MAML3: variants seen among roughly 807,000 people sequenced by gnomAD.
MAML3 encodes the protein mastermind like transcriptional coactivator 3.
A neutral mutation model predicts 101.9 loss-of-function variants in MAML3; 27 were observed. The observed-to-expected ratio is 0.27, with a 90% CI of 0.20 to 0.37. The LOEUF (loss-of-function observed/expected upper bound fraction) is 0.37. MAML3 is among the 10% of genes least tolerant of loss of function. The pLI is 1.00. For missense variants in MAML3, 1,316 were observed against 1,444.9 expected, an observed-to-expected ratio of 0.91 and a Z score of 1.45; for synonymous variants, 501 against 555.9, an observed-to-expected ratio of 0.90 and a Z score of 1.39.
intron 1 of MAML3, among the ~76,000 whole-genome samples, chr4:139,950,903 G>A (rs558980506): frequency 9.2e-5 from 14 of 152,220 alleles, no homozygotes; most frequent in African/African-American, 2.2e-4. Flanking sequence ...AGAGGCCATC[G>A]GGTTACTAAA....
At chr4:139,862,263 A>G (rs78876045) in intron 2 of MAML3, among the ~76,000 whole-genome samples, 5,639 of 152,246 alleles carry the variant, frequency 0.037, 344 homozygotes, top group African/African-American at 0.13. Context: ...AGCCCCAGAG[A>G]TTAAGAGTTC....
intron 1 of MAML3, among the ~76,000 whole-genome samples, chr4:139,976,323 T>C (rs1443622497): frequency 2.0e-5 from 3 of 152,202 alleles, no homozygotes; most frequent in African/African-American, 7.2e-5. Flanking sequence ...TGACAAGAAA[T>C]CTTTTTAACA....
chr4:140,122,220 CTTTTTT>C (rs369602172), intron 1 of MAML3, among the ~76,000 whole-genome samples: 1 of 124,612 alleles, frequency 8.0e-6, no homozygotes, highest in Admixed American at 8.4e-5. Context: ...TCAAACGAGA[CTTTTTT>C]TTTTTTTTTT....
At chr4:140,041,094 T>G (rs1727078358) in intron 1 of MAML3, among the ~76,000 whole-genome samples, 1 of 152,192 alleles carries the variant, frequency 6.6e-6, no homozygotes, top group Non-Finnish European at 1.5e-5. Context: ...AGATTTTATT[T>G]TCTTTTATAT....
At chr4:139,843,925 G>GC (rs1731401768) in intron 2 of MAML3, among the ~76,000 whole-genome samples, 2 of 152,262 alleles carry the variant, frequency 1.3e-5, no homozygotes, top group South Asian at 2.1e-4. Flanking sequence ...GGCCCACAGG[G>GC]CCCCTGGGAG....
At chr4:139,959,853 A>T (rs1266468547) in intron 1 of MAML3, among the ~76,000 whole-genome samples, 1 of 152,228 alleles carries the variant, frequency 6.6e-6, no homozygotes, top group African/African-American at 2.4e-5. Flanking sequence ...AGTACCCATG[A>T]TTAAAAGGGT....
At chr4:139,754,954 A>ATC (rs1380345637) in intron 2 of MAML3, among the ~76,000 whole-genome samples, 14 of 152,194 alleles carry the variant, frequency 9.2e-5, no homozygotes, top group Admixed American at 5.9e-4. Context: ...GTTCTCCTTA[A>ATC]TCAGCACGCT....
At chr4:139,743,812 A>G (rs905262950) in intron 2 of MAML3, among the ~76,000 whole-genome samples, 1 of 152,228 alleles carries the variant, frequency 6.6e-6, no homozygotes, top group Non-Finnish European at 1.5e-5. Flanking sequence ...GACAAGGCCA[A>G]TCTTGATTTC....
At chr4:140,011,121 G>GTATATA (rs376689121) in intron 1 of MAML3, among the ~76,000 whole-genome samples, 3 of 65,100 alleles carry the variant, frequency 4.6e-5, no homozygotes, top group African/African-American at 1.3e-4. Context: ...AAGTGTGTGT[G>GTATATA]TATATATATA....
intron 1 of MAML3, among the ~76,000 whole-genome samples, chr4:139,907,994 G>A (rs955990917): frequency 1.3e-5 from 2 of 152,272 alleles, no homozygotes; most frequent in East Asian, 3.9e-4. Flanking sequence ...TAAGCAGATG[G>A]ATGGTGGACC....
intron 1 of MAML3, among the ~76,000 whole-genome samples, chr4:140,104,815 C>T (rs966113319): frequency 1.3e-5 from 2 of 151,854 alleles, no homozygotes; most frequent in Non-Finnish European, 2.9e-5. Context: ...TTTTTAAGTA[C>T]CTTAAATAAA....
chr4:139,852,091 T>C (rs1731563907), intron 2 of MAML3, among the ~76,000 whole-genome samples: 1 of 152,210 alleles, frequency 6.6e-6, no homozygotes, highest in Non-Finnish European at 1.5e-5. Flanking sequence ...AATACAGATG[T>C]ATAGATTTAC....
At chr4:139,828,052 C>T (rs960948461) in intron 2 of MAML3, among the ~76,000 whole-genome samples, 8 of 152,254 alleles carry the variant, frequency 5.3e-5, no homozygotes, top group African/African-American at 1.9e-4. Context: ...TTGTCTGACA[C>T]ACTTGCACAT....
chr4:139,819,194 G>C (rs1226931181), intron 2 of MAML3, among the ~76,000 whole-genome samples: 2 of 152,102 alleles, frequency 1.3e-5, no homozygotes, highest in Non-Finnish European at 2.9e-5. Flanking sequence ...GAGTGATCTT[G>C]ACAAGCAAAG....
intron 2 of MAML3, among the ~76,000 whole-genome samples, chr4:139,733,055 A>G (rs952348725): frequency 4.6e-5 from 7 of 151,418 alleles, no homozygotes; most frequent in African/African-American, 1.4e-4. Context: ...TTTTCCCCCA[A>G]ATATTTGCTA....
chr4:140,140,771 G>A (rs1169984077), intron 1 of MAML3, among the ~76,000 whole-genome samples: 1 of 152,174 alleles, frequency 6.6e-6, no homozygotes, highest in Non-Finnish European at 1.5e-5. Flanking sequence ...CCTTGTACAA[G>A]GTTCCAGGTC....
chr4:139,954,453 G>C (rs1410462216), intron 1 of MAML3, among the ~76,000 whole-genome samples: 1 of 152,206 alleles, frequency 6.6e-6, no homozygotes, highest in Non-Finnish European at 1.5e-5. Context: ...TGTGTTGCTA[G>C]GTGTTTAGCA....
chr4:140,004,206 G>A (rs1281489914), intron 1 of MAML3, among the ~76,000 whole-genome samples: 4 of 152,226 alleles, frequency 2.6e-5, no homozygotes, highest in Non-Finnish European at 5.9e-5. Context: ...CAATGGCACA[G>A]AAGGCACTGG....
At chr4:140,100,035 C>A (rs1235820677) in intron 1 of MAML3, among the ~76,000 whole-genome samples, 1 of 152,050 alleles carries the variant, frequency 6.6e-6, no homozygotes, top group Non-Finnish European at 1.5e-5. Context: ...CCATGACCAC[C>A]CCACCCCTGC....
Sources: allele counts gnomAD v4.1 joint callset (sites outside exome capture counted in the v4.1 genomes callset), GRCh38; gene constraint gnomAD v4.1.1; transcripts MANE v1.5; gene names NCBI Gene and HGNC (gene_info 2026-07-23, HGNC 2026-07-21).